The following SUGP1 variants were observed in gnomAD, a reference collection of about 807,000 sequenced individuals.
SUGP1 encodes SURP and G-patch domain-containing protein 1.
A neutral mutation model predicts 76.5 loss-of-function variants in SUGP1; 34 were observed. The ratio of observed to expected loss-of-function variants is 0.44; its 90% CI spans 0.34 to 0.59. The LOEUF (loss-of-function observed/expected upper bound fraction) is 0.59, where lower values mean the gene tolerates loss of function less well. SUGP1 is among the 20% of genes least tolerant of loss of function. The pLI is 0.01. For synonymous variants in SUGP1, 326 were observed against 326.2 expected (o/e 1.00, Z 0.01); for missense variants, 752 against 851.7 (o/e 0.88, Z 1.46).
At chr19:19,305,559 G>A (rs1225653051) in intron 4 of SUGP1, 2 of 329,912 alleles carry the variant, frequency 6.1e-6, no homozygotes, top group Admixed American at 4.6e-5. Flanking sequence ...ATGCGAGAAG[G>A]GCGTGCGCCC....
At chr19:19,299,351 G>A (rs532268719) in intron 7 of SUGP1, among the ~76,000 whole-genome samples, 6 of 149,906 alleles carry the variant, frequency 4.0e-5, no homozygotes, top group African/African-American at 1.5e-4. Context: ...GACGCTGACT[G>A]TGTCACTGAC....
chr19:19,284,846 G>A (rs551891277), intron 8 of SUGP1, among the ~76,000 whole-genome samples: 2 of 151,632 alleles, frequency 1.3e-5, no homozygotes, highest in East Asian at 3.9e-4. Flanking sequence ...CATTGAGAAG[G>A]AAAGATATGC....
intron 7 of SUGP1, among the ~76,000 whole-genome samples, chr19:19,299,257 T>C (rs930594075): frequency 1.3e-5 from 2 of 152,260 alleles, no homozygotes; most frequent in African/African-American, 4.8e-5. Flanking sequence ...TCCCTCACAC[T>C]GGGCTGCCAG....
chr19:19,276,699 G>A (rs2061052038), intron 13 of SUGP1, 25 bp from the exon 14 acceptor site: 46 of 1,614,098 alleles, frequency 2.8e-5, no homozygotes, highest in Non-Finnish European at 3.9e-5. Flanking sequence ...ACAGATAACA[G>A]GAGGAGGGGA....
intron 2 of SUGP1, among the ~76,000 whole-genome samples, chr19:19,313,940 A>T (rs535268548): frequency 3.7e-4 from 57 of 152,156 alleles, no homozygotes; most frequent in Admixed American, 9.8e-4. Context: ...GGAGTTAAAG[A>T]CCAGCCTGGC....
chr19:19,298,823 G>A (rs2061249094), intron 7 of SUGP1, among the ~76,000 whole-genome samples: 1 of 152,212 alleles, frequency 6.6e-6, no homozygotes, highest in Non-Finnish European at 1.5e-5. Flanking sequence ...GCTAGGGCGA[G>A]CAGGCATCGG....
Position 19,276,422 on chromosome 19 carries a change from G to C in SUGP1, c.*226C>G, listed in dbSNP as rs769442941. 9.0e-6 allele frequency: 5 copies of C among 552,500 alleles called. No homozygotes were observed. The highest frequency in any genetic ancestry group is 1.9e-5 in the African/African-American group (1 of 52,608). 34.2% of individuals were successfully genotyped at this position (552,500 alleles called of 1,614,324 possible). On this transcript the variant is annotated 3_prime_UTR_variant, in exon 14 of 14. Coordinates refer to ENST00000247001, the MANE Select transcript of SUGP1 (RefSeq NM_172231.4). ...GCAACCCAGGCTGAGCGGGGATGGA[G>C]ACTCCACAGGCCAATAAGGAGAGCC...
chr19:19,312,044 G>A (rs565358497), intron 2 of SUGP1, among the ~76,000 whole-genome samples: 13 of 152,008 alleles, frequency 8.6e-5, no homozygotes, highest in African/African-American at 2.7e-4. Context: ...ACTGAAATAA[G>A]CCTAGGCAAT....
At chr19:19,292,272 C>CAA (rs543248625) in intron 8 of SUGP1, among the ~76,000 whole-genome samples, 28 of 61,122 alleles carry the variant, frequency 4.6e-4, no homozygotes, top group East Asian at 3.9e-3. Context: ...GACTCCGTCT[C>CAA]AAAAAAAAAA....
Position 19,297,217 on chromosome 19 carries a change from G to C in SUGP1, c.1015C>G (p.Pro339Ala). 1 of 1,602,018 alleles carries C rather than the reference G, an allele frequency of 6.2e-7. No individual in the cohort carries two copies. The highest frequency in any genetic ancestry group is 1.1e-5 in the South Asian group (1 of 90,496). ...AAGGACCCTGACAGGGCCTCAGGAG[G>C]GGACTTGCGCTTCAGGCCGGGATCA... The part of the protein sequence containing the change: ...APDPGLKRKS[P>A]PEALSGSLPP... Residue 339 changes from proline to alanine, a missense_variant, in exon 8 of 14, where the codon CCT becomes GCT. Pro to Ala is a conservative substitution (Grantham distance 27, BLOSUM62 -1). Transcript: ENST00000247001.
chr19:19,285,663 T>G (rs950452714), intron 8 of SUGP1, among the ~76,000 whole-genome samples: 2 of 152,114 alleles, frequency 1.3e-5, no homozygotes, highest in African/African-American at 2.4e-5. Context: ...TCTCCCAGGC[T>G]CAAGTGAACC....
At chr19:19,320,424 G>C in intron 1 of SUGP1, 39 bp downstream of exon 1, 5 of 1,604,682 alleles carry the variant, frequency 3.1e-6, no homozygotes, top group South Asian at 2.2e-5. Context: ...TAGCCCCAGG[G>C]ACCCAGGCGG....
Position 19,297,258 on chromosome 19 carries a change from CCTGTGGAGCTGG to C in SUGP1, c.962_973del (p.Ala321_Thr324del), listed in dbSNP as rs766763487. On this transcript the variant is annotated inframe_deletion, in exon 8 of 14. Transcript: ENST00000247001. ...GCCGGGATCAGGTGCTGTGAAGCTG[CCTGTGGAGCTGG>C]CCTTGGCTTTCCGGAACTCCTCCAG... The C allele has an allele frequency of 6.3e-7, 1 of 1,577,974 alleles. No individual in the cohort carries two copies. The highest frequency in any genetic ancestry group is 2.3e-5 in the East Asian group (1 of 44,274).
intron 2 of SUGP1, among the ~76,000 whole-genome samples, chr19:19,312,234 A>G (rs1339847314): frequency 1.3e-5 from 2 of 151,938 alleles, no homozygotes; most frequent in Admixed American, 6.6e-5. Flanking sequence ...AAAAAAAAAT[A>G]AAAAGAAAAA....
chr19:19,277,870 C>CA lies in SUGP1; in HGVS notation c.1644dup (p.Glu549Ter), dbSNP rs1438568813. The CA allele has an allele frequency of 6.2e-7, 1 of 1,613,688 alleles. No homozygotes were observed. The highest frequency in any genetic ancestry group is 2.2e-5 in the East Asian group (1 of 44,890). ...TCCTTGTACTCTGAGTAGTCAGGCTCACGGCCCTCCTGCAAGGTGAGGAGG... is the reference window on the plus strand; with the variant it reads ...TCCTTGTACTCTGAGTAGTCAGGCTCAACGGCCCTCCTGCAAGGTGAGGAGG... On this transcript the variant is annotated frameshift_variant, in exon 12 of 14. Coordinates refer to ENST00000247001, the MANE Select transcript of SUGP1 (RefSeq NM_172231.4). LOFTEE classifies it high-confidence loss of function.
intron 8 of SUGP1, among the ~76,000 whole-genome samples, chr19:19,294,807 A>C (rs1214318596): frequency 2.6e-5 from 4 of 152,122 alleles, no homozygotes; most frequent in Non-Finnish European, 4.4e-5. Flanking sequence ...AAAAAAAAAA[A>C]ACTGATACTT....
chr19:19,303,264 C>T, intron 6 of SUGP1, 84 bp downstream of exon 6: 1 of 1,172,582 alleles, frequency 8.5e-7, no homozygotes, highest in Non-Finnish European at 1.3e-6. Flanking sequence ...GCCACTCCAG[C>T]ACCTCCAGGA....
chr19:19,276,805 G>A (rs60892661), intron 13 of SUGP1, 131 bp from the exon 14 acceptor site: 2 of 1,541,726 alleles, frequency 1.3e-6, no homozygotes, highest in Non-Finnish European at 1.8e-6. Flanking sequence ...GGGGACGGGT[G>A]GGGGCTTGAA....
rs563305204 is a variant in SUGP1 at position 19,306,082 on chromosome 19, A to G, written c.311-6T>C. 6.3e-7 allele frequency: 1 copy of G among 1,575,768 alleles called. No homozygotes were observed. The highest frequency in any genetic ancestry group is 1.4e-5 in the African/African-American group (1 of 73,716). Reference sequence around the variant, plus strand: ...GGGCGCACTGGTCGGGGCGTCTGGTATAGAAGGAAGGATATGCGCACTCGG... The same window carrying G: ...GGGCGCACTGGTCGGGGCGTCTGGTGTAGAAGGAAGGATATGCGCACTCGG... On this transcript the variant is annotated splice_region_variant and splice_polypyrimidine_tract_variant and intron_variant, in intron 3 of 13. Coordinates refer to ENST00000247001, the MANE Select transcript of SUGP1 (RefSeq NM_172231.4).
Sources: allele counts gnomAD v4.1 joint callset (sites outside exome capture counted in the v4.1 genomes callset), GRCh38; gene constraint gnomAD v4.1.1; transcripts MANE v1.5; gene names NCBI Gene and HGNC (gene_info 2026-07-23, HGNC 2026-07-21).